NPAS2: variants seen among roughly 807,000 people sequenced by gnomAD.
NPAS2 encodes neuronal PAS domain-containing protein 2.
Under a neutral mutation model 107.5 loss-of-function variants are expected in NPAS2, and 23 were observed. The ratio of observed to expected loss-of-function variants is 0.21; its 90% CI spans 0.15 to 0.30. NPAS2 has a LOEUF of 0.30. Among genes scored for constraint, NPAS2 ranks in the 10% least tolerant of loss-of-function variants. The probability of loss-of-function intolerance (pLI) is 1.00; values close to 1 mark genes in which losing one functional copy is unlikely to be tolerated. For synonymous variants in NPAS2, 403 were observed against 417.5 expected, an observed-to-expected ratio of 0.97 and a Z score of 0.42; for missense variants, 756 against 1,043.3, an observed-to-expected ratio of 0.72 and a Z score of 3.79.
intron 4 of NPAS2, chr2:100,934,747 C>T (rs1046175534): frequency 1.0e-6 from 1 of 983,218 alleles, no homozygotes; most frequent in Non-Finnish European, 1.2e-6. Context: ...GCCTGAGCCC[C>T]AGCTGTGGTT....
At chr2:100,946,856 G>T (rs1403864779) in intron 5 of NPAS2, among the ~76,000 whole-genome samples, 1 of 152,200 alleles carries the variant, frequency 6.6e-6, no homozygotes, top group East Asian at 1.9e-4. Flanking sequence ...ACACTGTTTG[G>T]TTTGAGGGTA....
chr2:100,940,767 C>T (rs1234319212), intron 5 of NPAS2, among the ~76,000 whole-genome samples: 2 of 152,184 alleles, frequency 1.3e-5, no homozygotes, highest in Admixed American at 6.5e-5. Context: ...ACTTTGGCTC[C>T]AGAGCTTGGT....
At position 100,894,375 on chromosome 2, in the gene NPAS2, C is replaced by A. The variant is rs75077853; in HGVS notation, c.-22-10358C>A. ...GGTTGCTTTCCTGTTTAGTTATGAGCGGCTCAGGGTCAGTGATAACCAGGT... is the reference window on the plus strand; with the variant it reads ...GGTTGCTTTCCTGTTTAGTTATGAGAGGCTCAGGGTCAGTGATAACCAGGT... On this transcript the variant is annotated intron_variant, in intron 1 of 20. Coordinates refer to ENST00000335681, the MANE Select transcript of NPAS2 (RefSeq NM_002518.4). Among the ~76,000 whole-genome samples the A allele has an allele frequency of 6.2e-3, 945 of 152,234 alleles. 58 individuals carry two copies. The East Asian group carries it at 0.14, about 23-fold the overall frequency.
intron 1 of NPAS2, among the ~76,000 whole-genome samples, chr2:100,873,888 T>C (rs890972721): frequency 4.0e-5 from 6 of 151,774 alleles, no homozygotes; most frequent in Admixed American, 6.5e-5. Context: ...AAGACAGAAA[T>C]GTCTTCCCAT....
chr2:100,934,309 A>G (rs1275643748), intron 4 of NPAS2: 1 of 138,674 alleles, frequency 7.2e-6, no homozygotes, highest in Non-Finnish European at 1.6e-5. Context: ...AGCCTGTAGC[A>G]CAACCTTTTT....
intron 2 of NPAS2, among the ~76,000 whole-genome samples, chr2:100,916,293 A>G (rs1167070481): frequency 6.6e-6 from 1 of 152,192 alleles, no homozygotes; most frequent in East Asian, 1.9e-4. Flanking sequence ...CAACTAAAAA[A>G]CAGATTTTGT....
intron 1 of NPAS2, among the ~76,000 whole-genome samples, chr2:100,869,954 G>C (rs1334612721): frequency 6.9e-6 from 1 of 145,396 alleles, no homozygotes; most frequent in Non-Finnish European, 1.5e-5. Context: ...GCCCAGGCTG[G>C]AGTGCAGTGG....
At chr2:100,873,964 A>G (rs1267717247) in intron 1 of NPAS2, among the ~76,000 whole-genome samples, 1 of 151,690 alleles carries the variant, frequency 6.6e-6, no homozygotes. Context: ...TTTTATATAT[A>G]ACCAACTCTT....
intron 1 of NPAS2, among the ~76,000 whole-genome samples, chr2:100,832,350 C>G (rs889902506): frequency 6.6e-6 from 1 of 152,178 alleles, no homozygotes; most frequent in African/African-American, 2.4e-5. Context: ...TAGAGACCTG[C>G]TCCAAGCGCT....
chr2:100,868,401 T>C (rs1679375700), intron 1 of NPAS2, among the ~76,000 whole-genome samples: 1 of 152,210 alleles, frequency 6.6e-6, no homozygotes, highest in Non-Finnish European at 1.5e-5. Flanking sequence ...GTGTTTTCTC[T>C]GGCTGCATTT....
chr2:100,959,737 G>A (rs882272), intron 7 of NPAS2, among the ~76,000 whole-genome samples: 52,651 of 151,858 alleles, frequency 0.35, 9,660 homozygotes, highest in Middle Eastern at 0.52. Context: ...CATTTGTTTC[G>A]AGAAGTGCCG....
chr2:100,901,480 G>A, intron 1 of NPAS2: 2 of 983,638 alleles, frequency 2.0e-6, no homozygotes, highest in Non-Finnish European at 2.4e-6. Flanking sequence ...AAGAAACCCA[G>A]AACTGGAAGA....
At chr2:100,945,359 G>T (rs1364151324) in intron 5 of NPAS2, among the ~76,000 whole-genome samples, 1 of 152,166 alleles carries the variant, frequency 6.6e-6, no homozygotes, top group Admixed American at 6.5e-5. Context: ...CTGGCACATG[G>T]CGGCCCTCAG....
intron 1 of NPAS2, among the ~76,000 whole-genome samples, chr2:100,899,900 G>A (rs558966514): frequency 2.0e-4 from 31 of 152,248 alleles, no homozygotes; most frequent in East Asian, 7.7e-4. Context: ...GGGGCGTGGT[G>A]GGGGTGGTGG....
At chr2:100,843,524 A>G (rs945352370) in intron 1 of NPAS2, among the ~76,000 whole-genome samples, 4 of 152,160 alleles carry the variant, frequency 2.6e-5, no homozygotes, top group Non-Finnish European at 5.9e-5. Flanking sequence ...CTGCTTAGAA[A>G]AATTTTCACT....
chr2:100,893,371 C>A (rs1328210464), intron 1 of NPAS2, among the ~76,000 whole-genome samples: 1 of 152,158 alleles, frequency 6.6e-6, no homozygotes, highest in Non-Finnish European at 1.5e-5. Flanking sequence ...TTTTATGATT[C>A]CAACTTGTTC....
At chr2:100,995,324 C>G (rs1388080001) in intron 20 of NPAS2, 76 bp from the exon 21 acceptor site, 2 of 1,348,456 alleles carry the variant, frequency 1.5e-6, no homozygotes, top group African/African-American at 1.5e-5. Context: ...TGCAGCATGC[C>G]CCGCACTGCC....
intron 15 of NPAS2, among the ~76,000 whole-genome samples, chr2:100,978,530 G>A (rs982992964): frequency 1.2e-5 from 1 of 86,402 alleles, no homozygotes; most frequent in South Asian, 3.6e-4. Flanking sequence ...TAAAAAAAAA[G>A]AAAGAAAGAA....
At chr2:100,954,447 C>G (rs1675431674) in intron 7 of NPAS2, among the ~76,000 whole-genome samples, 1 of 152,006 alleles carries the variant, frequency 6.6e-6, no homozygotes, top group South Asian at 2.1e-4. Flanking sequence ...GGCAGATTGC[C>G]TGAGGTCAGG....
Sources: gnomAD v4.1 joint callset for allele counts (sites outside exome capture counted in the v4.1 genomes callset) on GRCh38, gnomAD v4.1.1 for gene constraint, MANE v1.5 for transcripts, NCBI Gene and HGNC (gene_info 2026-07-23, HGNC 2026-07-21) for gene names.